CEMIP: variants seen among roughly 807,000 people sequenced by gnomAD.
CEMIP encodes the protein cell migration inducing hyaluronidase 1, also known as cell migration-inducing and hyaluronan-binding protein.
Under a neutral mutation model 156.9 loss-of-function variants are expected in CEMIP, and 105 were observed. The ratio of observed to expected loss-of-function variants is 0.67; its 90% CI spans 0.57 to 0.79. The LOEUF is 0.79. CEMIP is among the 30% of genes least tolerant of loss of function. CEMIP has a pLI of 0.00. For missense variants in CEMIP, 1,457 were observed against 1,769.4 expected (o/e 0.82, Z 3.17); for synonymous variants, 676 against 668.4 (o/e 1.01, Z -0.17).
At position 80,789,965 on chromosome 15, in the gene CEMIP, AG is replaced by A. The variant is rs544610343; in HGVS notation, c.-176+10356del. 4.2e-3 allele frequency among the ~76,000 whole-genome samples: 643 copies of A among 152,300 alleles called. 3 individuals are homozygous for A. Among genetic ancestry groups the A allele is most frequent in the South Asian group, 0.014 (68 of 4,826 alleles). On this transcript the variant is annotated intron_variant, in intron 1 of 29. Transcript: ENST00000394685. ...TTGAGGACATCACCCCTCTGAGCTC[AG>A]GGGGAACGAGGGGCAGAGAGGCAGA...
At chr15:80,874,767 A>G (rs1898414399) in intron 3 of CEMIP, among the ~76,000 whole-genome samples, 1 of 152,214 alleles carries the variant, frequency 6.6e-6, no homozygotes. Flanking sequence ...AGTGACAGAC[A>G]GGGACAATTT....
intron 7 of CEMIP, among the ~76,000 whole-genome samples, chr15:80,886,058 C>T (rs79870774): frequency 0.012 from 1,878 of 152,236 alleles, 48 homozygotes; most frequent in African/African-American, 0.043. Context: ...GGGAGGTACT[C>T]GGTTAGACCA....
intron 1 of CEMIP, among the ~76,000 whole-genome samples, chr15:80,860,174 T>C (rs1361093240): frequency 2.6e-5 from 4 of 152,222 alleles, no homozygotes; most frequent in African/African-American, 7.2e-5. Flanking sequence ...GGAAAGTGGG[T>C]GCTTTAGAAT....
At chr15:80,900,620 G>GTGTGTGTGTGTGTGTGTC (rs1567090828) in intron 12 of CEMIP, among the ~76,000 whole-genome samples, 1 of 145,236 alleles carries the variant, frequency 6.9e-6, no homozygotes, top group Non-Finnish European at 1.5e-5. Context: ...GTGTGTGTGT[G>GTGTGTGTGTGTGTGTGTC]TGTGTGTGTG....
chr15:80,809,314 G>A (rs1043384647), intron 1 of CEMIP, among the ~76,000 whole-genome samples: 6 of 152,162 alleles, frequency 3.9e-5, no homozygotes, highest in African/African-American at 1.4e-4. Context: ...GTAATCATAC[G>A]TAGCTATTTA....
At chr15:80,780,684 G>T (rs1351766997) in intron 1 of CEMIP, among the ~76,000 whole-genome samples, 2 of 152,228 alleles carry the variant, frequency 1.3e-5, no homozygotes, top group Non-Finnish European at 2.9e-5. Context: ...ACGGTGAGCC[G>T]GGGAGCGCGT....
At chr15:80,881,684 C>T (rs977746924) in intron 6 of CEMIP, among the ~76,000 whole-genome samples, 28 of 152,116 alleles carry the variant, frequency 1.8e-4, no homozygotes, top group Non-Finnish European at 2.1e-4. Context: ...TCGGAGGCTG[C>T]GGTAAGGACG....
chr15:80,788,896 C>CA (rs200683598), intron 1 of CEMIP, among the ~76,000 whole-genome samples: 17,158 of 143,792 alleles, frequency 0.12, 1,071 homozygotes, highest in Middle Eastern at 0.21. Context: ...GCACTAGAGG[C>CA]AAAAAAAAAA....
chr15:80,823,978 AC>A (rs1299854096), intron 1 of CEMIP, among the ~76,000 whole-genome samples: 1 of 151,990 alleles, frequency 6.6e-6, no homozygotes, highest in Non-Finnish European at 1.5e-5. Flanking sequence ...AGACTCTAAG[AC>A]CCCAGCACAG....
intron 1 of CEMIP, among the ~76,000 whole-genome samples, chr15:80,849,372 C>A (rs1478085057): frequency 1.3e-5 from 2 of 152,216 alleles, no homozygotes; most frequent in Non-Finnish European, 2.9e-5. Flanking sequence ...CACGGGCCAC[C>A]TGAAAGCATT....
At chr15:80,806,665 A>T (rs1411337403) in intron 1 of CEMIP, among the ~76,000 whole-genome samples, 1 of 152,186 alleles carries the variant, frequency 6.6e-6, no homozygotes, top group Non-Finnish European at 1.5e-5. Context: ...AGAGTTTGAA[A>T]AGCTCTTTGA....
chr15:80,916,667 T>A lies in CEMIP; in HGVS notation c.1798-3427T>A, dbSNP rs1446626031. Among the ~76,000 whole-genome samples the A allele has an allele frequency of 2.0e-5, 3 of 152,224 alleles. No homozygotes were observed. In the East Asian group the frequency reaches 5.8e-4, roughly 29 times the overall value. On this transcript the variant is annotated intron_variant, in intron 14 of 29. Coordinates refer to ENST00000394685, the MANE Select transcript of CEMIP (RefSeq NM_001293298.2). ...ATGTCACAGTTTAAATATTTAACACTGGGTAATGTTCTAAGGAGGAACAAT... is the reference window on the plus strand; with the variant it reads ...ATGTCACAGTTTAAATATTTAACACAGGGTAATGTTCTAAGGAGGAACAAT...
chr15:80,805,027 C>T (rs1896478946), intron 1 of CEMIP, among the ~76,000 whole-genome samples: 1 of 152,110 alleles, frequency 6.6e-6, no homozygotes, highest in Admixed American at 6.6e-5. Context: ...CACGTTTTCC[C>T]CTTTGTGCAT....
chr15:80,932,175 T>C lies in CEMIP; in HGVS notation c.2793+136T>C, dbSNP rs977402515. On this transcript the variant is annotated intron_variant, in intron 22 of 29. Coordinates refer to ENST00000394685, the MANE Select transcript of CEMIP (RefSeq NM_001293298.2). This position sits in a 1 kb window ranked among gnomAD's most constrained non-coding sequence, Gnocchi z 4.5. The stretch of plus-strand genomic sequence containing the variant: ...AGCCTCCTCCAACTAGGCTGGGCCA[T>C]GTCCCAGTTTGCTCTTCATCCAAAC... 1.0e-5 allele frequency: 10 copies of C among 1,004,050 alleles called. No individual in the cohort carries two copies. Among genetic ancestry groups the C allele is most frequent in the South Asian group, 1.3e-5 (1 of 75,028 alleles). The allele number at this position is 1,004,050 out of a possible 1,614,324, so 62.2% of individuals were successfully genotyped here.
rs551869951 is a variant in CEMIP, at chr15:80,872,670, C to G, written c.-175-868C>G. On this transcript the variant is annotated intron_variant, in intron 1 of 29. Coordinates refer to ENST00000394685, the MANE Select transcript of CEMIP (RefSeq NM_001293298.2). ...TCCCTACTAAAAATACAAAAATTAG[C>G]CAGGTGTGGTGGTGCATGCCTGCAA... 9.9e-5 allele frequency among the ~76,000 whole-genome samples: 15 copies of G among 152,186 alleles called. No individual in the cohort carries two copies. In the East Asian group the frequency reaches 2.9e-3, roughly 29 times the overall value.
rs952620626 is a variant in CEMIP, at chr15:80,943,007, C to T, written c.3762C>T (p.Asn1254=). 27 of 1,614,078 alleles carry T rather than the reference C, an allele frequency of 1.7e-5. No individual in the cohort carries two copies. The highest frequency in any genetic ancestry group is 2.3e-5 in the Non-Finnish European group (27 of 1,180,046). ...DGIQVVVIDG[N]QGRVVSHTSF... ...TCCAGGTGGTGGTGATTGACGGGAA[C>T]CAAGGGCGCGTGGTGAGCCACACGA... Residue 1254 remains asparagine (N), a synonymous_variant, in exon 28 of 30, where the codon AAC becomes AAT. Coordinates refer to ENST00000394685, the MANE Select transcript of CEMIP (RefSeq NM_001293298.2).
intron 3 of CEMIP, among the ~76,000 whole-genome samples, chr15:80,877,492 G>A (rs148294884): frequency 2.0e-5 from 3 of 152,206 alleles, no homozygotes; most frequent in Non-Finnish European, 4.4e-5. Context: ...TTCATACTTC[G>A]CTCCCTTCTG....
rs374092814 is a variant in CEMIP at position 80,929,727 on chromosome 15, G to A, written c.2612+553G>A. On this transcript the variant is annotated intron_variant, in intron 21 of 29. Coordinates refer to ENST00000394685, the MANE Select transcript of CEMIP (RefSeq NM_001293298.2). ...ATGAGACTCATTCTACACGGGCACC[G>A]TGGGTTAGGGTTGGTTTAGTGCAAG... is the stretch of plus-strand genomic sequence containing the variant. Among the ~76,000 whole-genome samples, 12 of 152,252 alleles carry A rather than the reference G, an allele frequency of 7.9e-5. 1 individual carries two copies. Among genetic ancestry groups the A allele is most frequent in the East Asian group, 5.8e-4 (3 of 5,204 alleles).
At chr15:80,898,024 C>A (rs1340603550) in intron 12 of CEMIP, among the ~76,000 whole-genome samples, 1 of 152,222 alleles carries the variant, frequency 6.6e-6, no homozygotes, top group Non-Finnish European at 1.5e-5. Flanking sequence ...AGCAGCAATG[C>A]TGGGAGCAGT....
Sources: allele counts gnomAD v4.1 joint callset (sites outside exome capture counted in the v4.1 genomes callset), GRCh38; gene constraint gnomAD v4.1.1; non-coding constraint Gnocchi (gnomAD v3.1); transcripts MANE v1.5; gene names NCBI Gene and HGNC (gene_info 2026-07-23, HGNC 2026-07-21).